PPFIA2: variants seen among roughly 807,000 people sequenced by gnomAD.
PPFIA2 encodes the protein liprin-alpha-2.
PPFIA2 carries 46 observed loss-of-function variants against 175.5 expected under a neutral mutation model. That is an observed-to-expected ratio of 0.26 (90% CI 0.21 to 0.34). The LOEUF (loss-of-function observed/expected upper bound fraction) is 0.34, where lower values mean the gene tolerates loss of function less well. Among genes scored for constraint, PPFIA2 ranks in the 10% least tolerant of loss-of-function variants. PPFIA2 has a pLI of 1.00. For synonymous variants in PPFIA2, 568 were observed against 511.4 expected, an observed-to-expected ratio of 1.11 and a Z score of -1.49; for missense variants, 1,179 against 1,506.1, an observed-to-expected ratio of 0.78 and a Z score of 3.60.
intron 19 of PPFIA2, among the ~76,000 whole-genome samples, chr12:81,342,135 G>C (rs1206076857): frequency 3.3e-5 from 5 of 152,040 alleles, no homozygotes; most frequent in African/African-American, 1.2e-4. Flanking sequence ...GAACACTTTA[G>C]TACAGAATCC....
Position 81,277,357 on chromosome 12 carries a change from T to A in PPFIA2, c.3270A>T (p.Glu1090Asp). 1 of 1,575,406 alleles carries A rather than the reference T, an allele frequency of 6.3e-7. No individual in the cohort carries two copies. The highest frequency in any genetic ancestry group is 8.6e-7 in the Non-Finnish European group (1 of 1,159,698). The change falls in exon 28 of 33, where the codon GAA becomes GAT. Residue 1090 changes from glutamate (E) to aspartate (D), a missense_variant. Coordinates refer to ENST00000549396, the MANE Select transcript of PPFIA2 (RefSeq NM_003625.5). ...CLKRLNYDRK[E>D]LERRREASQH... ...GGCTTGCTTCCCGTCTTCTTTCTAG[T>A]TCTTTTCTGTCATAATTCAACCTCT...
chr12:81,487,382 A>C (rs1484575886), intron 4 of PPFIA2, among the ~76,000 whole-genome samples: 2 of 151,932 alleles, frequency 1.3e-5, no homozygotes, highest in Non-Finnish European at 2.9e-5. Context: ...TAACAGAAAC[A>C]AGCAAAGTCT....
intron 21 of PPFIA2, among the ~76,000 whole-genome samples, chr12:81,335,054 G>T (rs2056880780): frequency 6.6e-6 from 1 of 152,150 alleles, no homozygotes; most frequent in Non-Finnish European, 1.5e-5. Flanking sequence ...GTAGCAGTGT[G>T]TTTGGAATTG....
chr12:81,580,835 T>A (rs1299301415), intron 4 of PPFIA2, among the ~76,000 whole-genome samples: 2 of 151,984 alleles, frequency 1.3e-5, no homozygotes, highest in East Asian at 3.9e-4. Context: ...TAGACATTTA[T>A]TGAACACCCA....
chr12:81,538,442 C>A (rs2065723116), intron 4 of PPFIA2, among the ~76,000 whole-genome samples: 1 of 151,496 alleles, frequency 6.6e-6, no homozygotes, highest in African/African-American at 2.4e-5. Flanking sequence ...AATAAAAATA[C>A]ACAATAAATA....
At chr12:81,713,984 G>A (rs1018075704) in intron 3 of PPFIA2, among the ~76,000 whole-genome samples, 2 of 150,998 alleles carry the variant, frequency 1.3e-5, no homozygotes, top group African/African-American at 4.8e-5. Flanking sequence ...ATAATAAGAT[G>A]ACATTTGGAA....
At chr12:81,735,070 T>C (rs945381368) in intron 3 of PPFIA2, among the ~76,000 whole-genome samples, 1 of 151,868 alleles carries the variant, frequency 6.6e-6, no homozygotes, top group Non-Finnish European at 1.5e-5. Flanking sequence ...CTGAGGGATA[T>C]TTGTTATTAT....
chr12:81,510,543 A>G (rs1172432250), intron 4 of PPFIA2, among the ~76,000 whole-genome samples: 1 of 152,120 alleles, frequency 6.6e-6, no homozygotes, highest in Non-Finnish European at 1.5e-5. Context: ...TTTAATTCTA[A>G]AGACAACATC....
chr12:81,587,136 T>C (rs984844476), intron 4 of PPFIA2, among the ~76,000 whole-genome samples: 15 of 151,988 alleles, frequency 9.9e-5, no homozygotes, highest in African/African-American at 3.4e-4. Context: ...CCAATGGTCA[T>C]TGATATGGTT....
intron 3 of PPFIA2, among the ~76,000 whole-genome samples, chr12:81,735,255 C>T (rs1028467003): frequency 6.6e-6 from 1 of 151,714 alleles, no homozygotes; most frequent in African/African-American, 2.4e-5. Context: ...TCTTAATTCA[C>T]CACAATGTCT....
intron 18 of PPFIA2, among the ~76,000 whole-genome samples, chr12:81,345,204 C>T (rs1436115289): frequency 1.3e-5 from 2 of 151,898 alleles, no homozygotes; most frequent in African/African-American, 2.4e-5. Flanking sequence ...TTCTCTTTCC[C>T]ACAAATGCCA....
intron 4 of PPFIA2, among the ~76,000 whole-genome samples, chr12:81,469,750 A>T (rs2056405651): frequency 6.6e-6 from 1 of 152,220 alleles, no homozygotes; most frequent in Admixed American, 6.5e-5. Flanking sequence ...GAATTGTGTC[A>T]CCAAATGCAT....
intron 4 of PPFIA2, chr12:81,472,579 C>T (rs2056902778): frequency 6.6e-6 from 1 of 152,108 alleles, no homozygotes; most frequent in South Asian, 2.1e-4. Context: ...AGACTAAGGG[C>T]CAGACTCTGG....
intron 4 of PPFIA2, among the ~76,000 whole-genome samples, chr12:81,630,236 A>T (rs1016139454): frequency 6.6e-5 from 10 of 152,176 alleles, no homozygotes; most frequent in Admixed American, 5.2e-4. Flanking sequence ...AAAGTTATGT[A>T]GTTTTAAACT....
intron 4 of PPFIA2, among the ~76,000 whole-genome samples, chr12:81,651,393 CAA>C (rs2066998357): frequency 1.3e-5 from 2 of 152,008 alleles, no homozygotes; most frequent in Non-Finnish European, 2.9e-5. Flanking sequence ...GAAACATTAA[CAA>C]AACTTTTTTT....
chr12:81,734,539 T>A (rs11615729), intron 3 of PPFIA2, among the ~76,000 whole-genome samples: 25,831 of 151,694 alleles, frequency 0.17, 2,669 homozygotes, highest in Middle Eastern at 0.28. Flanking sequence ...TTACCTAAGG[T>A]GATTGTTAAA....
At chr12:81,483,998 G>A (rs2058543263) in intron 4 of PPFIA2, among the ~76,000 whole-genome samples, 1 of 151,814 alleles carries the variant, frequency 6.6e-6, no homozygotes. Context: ...CTCGGGGTAG[G>A]AATCACTTTT....
chr12:81,362,013 C>G lies in PPFIA2; in HGVS notation c.1637+680G>C, dbSNP rs867540752. ...TCTATCTATGTATCTATGTATCTATCTATCTATCTATCTATCTATCTATCT... is the reference window on the plus strand; with the variant it reads ...TCTATCTATGTATCTATGTATCTATGTATCTATCTATCTATCTATCTATCT... On this transcript the variant is annotated intron_variant, in intron 15 of 32. Transcript: ENST00000549396. Among the ~76,000 whole-genome samples, 517 of 104,132 alleles carry G rather than the reference C, an allele frequency of 5.0e-3. 1 individual carries two copies. The highest frequency in any genetic ancestry group is 0.019 in the African/African-American group (436 of 22,450). The allele number at this position is 104,132 out of a possible 152,430, so 68.3% of individuals were successfully genotyped here.
intron 4 of PPFIA2, among the ~76,000 whole-genome samples, chr12:81,618,155 T>C (rs1344706866): frequency 2.0e-5 from 3 of 152,326 alleles, no homozygotes; most frequent in East Asian, 1.9e-4. Context: ...AGGCCCAGTC[T>C]AAACAGTGTA....
Sources: allele counts gnomAD v4.1 joint callset (sites outside exome capture counted in the v4.1 genomes callset), GRCh38; gene constraint gnomAD v4.1.1; transcripts MANE v1.5; gene names NCBI Gene and HGNC (gene_info 2026-07-23, HGNC 2026-07-21).